ADGRB1: variants seen among roughly 807,000 people sequenced by gnomAD.
ADGRB1 encodes adhesion G protein-coupled receptor B1, also known as brain-specific angiogenesis inhibitor 1.
Under a neutral mutation model 175.7 loss-of-function variants are expected in ADGRB1, and 36 were observed. The ratio of observed to expected loss-of-function variants is 0.20; its 90% CI spans 0.16 to 0.27. The LOEUF (loss-of-function observed/expected upper bound fraction) is 0.27, where lower values mean the gene tolerates loss of function less well. Ranked by LOEUF, ADGRB1 falls within the 10% of genes least tolerant of loss-of-function variation. The pLI is 1.00. For missense variants in ADGRB1, 1,731 were observed against 2,255.3 expected (o/e 0.77, Z 4.71); for synonymous variants, 1,054 against 979.4 (o/e 1.08, Z -1.42).
intron 2 of ADGRB1, among the ~76,000 whole-genome samples, chr8:142,467,809 A>G (rs1238189712): frequency 2.0e-5 from 3 of 152,232 alleles, no homozygotes; most frequent in African/African-American, 7.2e-5. Context: ...CAGGAAGGGT[A>G]AAAATATCTT....
intron 2 of ADGRB1, among the ~76,000 whole-genome samples, chr8:142,469,124 G>A (rs112851674): frequency 1.8e-4 from 27 of 151,396 alleles, no homozygotes; most frequent in African/African-American, 5.1e-4. Flanking sequence ...TCTGCTCAGA[G>A]CTGTGCGTGT....
At chr8:142,457,456 G>A (rs1239055356) in intron 1 of ADGRB1, among the ~76,000 whole-genome samples, 2 of 152,196 alleles carry the variant, frequency 1.3e-5, no homozygotes, top group Non-Finnish European at 2.9e-5. Flanking sequence ...GATTCTTTGG[G>A]CACCCCTGTG....
intron 1 of ADGRB1, among the ~76,000 whole-genome samples, chr8:142,453,728 A>G (rs1230211102): frequency 6.6e-6 from 1 of 152,180 alleles, no homozygotes; most frequent in Non-Finnish European, 1.5e-5. Flanking sequence ...CCCAAGCACT[A>G]AGGCTGCGGG....
In ADGRB1 at chr8:142,522,727, G is replaced by A. The variant is rs1433236879; in HGVS notation, c.3245+17G>A. 1 of 1,487,408 alleles carries A rather than the reference G, an allele frequency of 6.7e-7. No homozygotes were observed. The highest frequency in any genetic ancestry group is 8.9e-7 in the Non-Finnish European group (1 of 1,121,454). 92.1% of individuals were successfully genotyped at this position (1,487,408 alleles called of 1,614,324 possible). Reference sequence around the variant, plus strand: ...CATGAACTAGTGAGTCGGGGCATTGGGGGTGTGGTGGATGGCCACATGGCC... The same window carrying A: ...CATGAACTAGTGAGTCGGGGCATTGAGGGTGTGGTGGATGGCCACATGGCC... On this transcript the variant is annotated intron_variant, in intron 22 of 30. Coordinates refer to ENST00000517894, the MANE Select transcript of ADGRB1 (RefSeq NM_001702.3).
intron 1 of ADGRB1, among the ~76,000 whole-genome samples, chr8:142,458,341 G>A (rs1353887942): frequency 1.3e-5 from 2 of 152,190 alleles, no homozygotes; most frequent in Non-Finnish European, 2.9e-5. Context: ...GTGCGTGTGT[G>A]CAGTCTGCAC....
chr8:142,542,145 A>C lies in ADGRB1; in HGVS notation c.3911A>C (p.Asn1304Thr). The C allele has an allele frequency of 6.2e-7, 1 of 1,613,320 alleles. No homozygotes were observed. Among genetic ancestry groups the C allele is most frequent in the Non-Finnish European group, 8.5e-7 (1 of 1,179,744 alleles). The change falls in exon 28 of 31, where the codon AAC (asparagine) becomes ACC (threonine). Residue 1304 changes from asparagine to threonine, a missense_variant. Coordinates refer to ENST00000517894, the MANE Select transcript of ADGRB1 (RefSeq NM_001702.3). The surrounding 1 kb of genome is among the most constrained non-coding windows in gnomAD (Gnocchi z 6.3). ...YPGGPLPDFP[N>T]HSLTLKRDKA... ...GGCGGGCCCCTGCCCGACTTCCCCA[A>C]CCACTCACTGACCCTCAAGAGGGAC...
chr8:142,454,187 C>T (rs753652677), intron 1 of ADGRB1, among the ~76,000 whole-genome samples: 9 of 152,260 alleles, frequency 5.9e-5, no homozygotes, highest in South Asian at 4.1e-4. Flanking sequence ...TGTTGAGTGC[C>T]GCTGCCACGC....
chr8:142,487,230 C>T (rs1178293809), intron 13 of ADGRB1, among the ~76,000 whole-genome samples: 2 of 152,166 alleles, frequency 1.3e-5, no homozygotes, highest in Non-Finnish European at 2.9e-5. Context: ...ACCCTGTGTC[C>T]AGCCTCCCAC....
At chr8:142,496,101 G>GATA (rs1842201040) in intron 17 of ADGRB1, among the ~76,000 whole-genome samples, 2 of 151,594 alleles carry the variant, frequency 1.3e-5, no homozygotes, top group Admixed American at 1.3e-4. Flanking sequence ...TGGGTGGCTG[G>GATA]CTGGATGTAT....
rs1844972974 is a variant in ADGRB1, at chr8:142,537,047, G to A, written c.3631G>A (p.Gly1211Arg). The change falls in exon 26 of 31, where the codon GGG (glycine) becomes AGG (arginine). Residue 1211 changes from glycine to arginine, a missense_variant. Physicochemically the swap from Gly to Arg is moderately radical, Grantham distance 125. Transcript: ENST00000517894. This position sits in a 1 kb window ranked among gnomAD's most constrained non-coding sequence, Gnocchi z 4.6. ...GCAGGAGGAGGGCAACGGGGACTCA[G>A]GGGGCTCCTTCCAGAACGGCCACGC... The part of the protein sequence containing the change: ...DRQEEGNGDS[G>R]GSFQNGHAQL... 1.9e-6 allele frequency: 3 copies of A among 1,583,528 alleles called. No homozygotes were observed. The highest frequency in any genetic ancestry group is 2.7e-5 in the African/African-American group (2 of 73,696).
In ADGRB1 at chr8:142,455,596, G is replaced by C. The variant is rs1164530165; in HGVS notation, c.-220+5492G>C. 6.6e-6 allele frequency among the ~76,000 whole-genome samples: 1 copy of C among 152,174 alleles called. No individual in the cohort carries two copies. The highest frequency in any genetic ancestry group is 6.5e-5 in the Admixed American group (1 of 15,274). On this transcript the variant is annotated intron_variant, in intron 1 of 30. Transcript: ENST00000517894. The surrounding 1 kb of genome is among the most constrained non-coding windows in gnomAD (Gnocchi z 4.9). The stretch of plus-strand genomic sequence containing the variant: ...AGGGATTACTGGGAGCTCAGAGACT[G>C]GGGTGGACCTTGAGATGAGACAGAA...
chr8:142,463,776 AGGTGGTCACATT>A (rs1248622710), intron 1 of ADGRB1, among the ~76,000 whole-genome samples, 192 bp from the exon 2 acceptor site: 1 of 152,220 alleles, frequency 6.6e-6, no homozygotes, highest in Non-Finnish European at 1.5e-5. Flanking sequence ...CTGCCCCTGC[AGGTGGTCACATT>A]GGTGAGTGGC....
chr8:142,451,768 TATA>T (rs1839366171), intron 1 of ADGRB1, among the ~76,000 whole-genome samples: 1 of 151,850 alleles, frequency 6.6e-6, no homozygotes, highest in Non-Finnish European at 1.5e-5. Context: ...AGGGAGGTGG[TATA>T]CGGTGTGTGG....
At chr8:142,488,962 C>A in intron 14 of ADGRB1, 73 bp from the exon 15 acceptor site, 1 of 1,535,358 alleles carries the variant, frequency 6.5e-7, no homozygotes, top group Admixed American at 1.9e-5. Context: ...ACAGCGGGGT[C>A]CAGGCCAGGC....
chr8:142,509,096 A>G (rs970571440), intron 17 of ADGRB1, among the ~76,000 whole-genome samples: 4 of 152,246 alleles, frequency 2.6e-5, no homozygotes, highest in African/African-American at 9.6e-5. Context: ...CCCGCCAGCC[A>G]GCGGCTCACA....
At chr8:142,467,661 A>G (rs563066277) in intron 2 of ADGRB1, among the ~76,000 whole-genome samples, 18 of 152,288 alleles carry the variant, frequency 1.2e-4, no homozygotes, top group Admixed American at 9.8e-4. Context: ...GGGGCAATGG[A>G]TGCTTGAAAA....
At position 142,467,902 on chromosome 8, in the gene ADGRB1, G is replaced by C. The variant is rs113412010; in HGVS notation, c.784+2920G>C. Among the ~76,000 whole-genome samples, 848 of 152,362 alleles carry C rather than the reference G, an allele frequency of 5.6e-3. 10 individuals are homozygous for C. Among genetic ancestry groups the C allele is most frequent in the African/African-American group, 0.019 (804 of 41,586 alleles). ...GATGTTGACGATGAAATATCAATAT[G>C]CTCGCGTATTCTTAGGCAGGGAGAC... On this transcript the variant is annotated intron_variant, in intron 2 of 30. Transcript: ENST00000517894.
rs73714309 is a variant in ADGRB1 at position 142,493,788 on chromosome 8, A to G, written c.2675+2973A>G. ...GAGGGCGGGCCACGGCTGGCAGGGAAGGACTGGGACTGACCTCGGTCCCCT... is the reference window on the plus strand; with the variant it reads ...GAGGGCGGGCCACGGCTGGCAGGGAGGGACTGGGACTGACCTCGGTCCCCT... On this transcript the variant is annotated intron_variant, in intron 17 of 30. Coordinates refer to ENST00000517894, the MANE Select transcript of ADGRB1 (RefSeq NM_001702.3). This position sits in a 1 kb window ranked among gnomAD's most constrained non-coding sequence, Gnocchi z 5.0. Among the ~76,000 whole-genome samples the G allele has an allele frequency of 0.072, 11,018 of 152,276 alleles. 1,150 individuals are homozygous for G. The highest frequency in any genetic ancestry group is 0.23 in the African/African-American group (9,440 of 41,524).
chr8:142,529,996 G>T (rs1587424606), intron 24 of ADGRB1, among the ~76,000 whole-genome samples: 1 of 151,794 alleles, frequency 6.6e-6, no homozygotes, highest in Non-Finnish European at 1.5e-5. Context: ...CTGTGTGTGT[G>T]AGCGCAACCT....
Sources: gnomAD v4.1 joint callset for allele counts (sites outside exome capture counted in the v4.1 genomes callset) on GRCh38, gnomAD v4.1.1 for gene constraint, Gnocchi (gnomAD v3.1) non-coding constraint, MANE v1.5 for transcripts, NCBI Gene and HGNC (gene_info 2026-07-23, HGNC 2026-07-21) for gene names.